The following NAALAD2 variants were observed in gnomAD, a reference collection of about 807,000 sequenced individuals.
NAALAD2 encodes the protein N-acetylated alpha-linked acidic dipeptidase 2.
In NAALAD2, 89 loss-of-function variants were observed where a neutral mutation model predicts 95.6. The observed-to-expected ratio is 0.93, with a 90% CI of 0.78 to 1.11. The LOEUF (loss-of-function observed/expected upper bound fraction) is 1.11. NAALAD2 is among the 50% of genes least tolerant of loss of function. The probability of loss-of-function intolerance (pLI) is 0.00; values close to 1 mark genes in which losing one functional copy is unlikely to be tolerated. For synonymous variants in NAALAD2, 264 were observed against 294.4 expected, an observed-to-expected ratio of 0.90 and a Z score of 1.06; for missense variants, 894 against 872.4, an observed-to-expected ratio of 1.02 and a Z score of -0.31.
Position 90,152,500 on chromosome 11 carries a change from A to G in NAALAD2, c.796+16A>G. The stretch of plus-strand genomic sequence containing the variant: ...CCAGCAAAAGGTAAGGGATGAGCCT[A>G]TCAGTCCACCAATTTTGCAAAAATA... On this transcript the variant is annotated intron_variant, in intron 6 of 18. Transcript: ENST00000534061. The G allele has an allele frequency of 6.3e-7, 1 of 1,578,288 alleles. No homozygotes were observed. Among genetic ancestry groups the G allele is most frequent in the Non-Finnish European group, 8.7e-7 (1 of 1,153,906 alleles).
intron 11 of NAALAD2, among the ~76,000 whole-genome samples, chr11:90,164,650 C>T (rs1402090620): frequency 6.6e-6 from 1 of 152,090 alleles, no homozygotes; most frequent in Non-Finnish European, 1.5e-5. Context: ...GTGATTTACC[C>T]ATTTTAACTC....
intron 15 of NAALAD2, 85 bp downstream of exon 15, chr11:90,176,147 C>A: frequency 1.0e-6 from 1 of 996,054 alleles, no homozygotes; most frequent in South Asian, 1.4e-5. Context: ...TGGCACCAGA[C>A]ACCTGGTGGA....
At chr11:90,166,835 C>CAA (rs1242969059) in intron 11 of NAALAD2, among the ~76,000 whole-genome samples, 50 of 64,706 alleles carry the variant, frequency 7.7e-4, no homozygotes, top group African/African-American at 2.7e-3. Context: ...ATTCTGTCTC[C>CAA]AAAAAAAAAA....
At chr11:90,190,532 A>G (rs1432646413) in intron 18 of NAALAD2, among the ~76,000 whole-genome samples, 9 of 152,152 alleles carry the variant, frequency 5.9e-5, no homozygotes, top group East Asian at 1.9e-4. Context: ...TTTTTTTGCT[A>G]TATTCTTCCT....
At chr11:90,182,645 G>A (rs547053398) in intron 17 of NAALAD2, among the ~76,000 whole-genome samples, 22 of 147,358 alleles carry the variant, frequency 1.5e-4, no homozygotes, top group African/African-American at 5.5e-4. Context: ...TAGAAGTATA[G>A]AATGTCTTTG....
intron 16 of NAALAD2, 54 bp from the exon 17 acceptor site, chr11:90,181,566 C>T (rs949656531): frequency 2.8e-5 from 36 of 1,276,950 alleles, no homozygotes; most frequent in East Asian, 4.6e-5. Flanking sequence ...GGTGGGAAAG[C>T]GAACCTCTGA....
chr11:90,144,920 T>G (rs180810225), intron 2 of NAALAD2, among the ~76,000 whole-genome samples: 120 of 152,060 alleles, frequency 7.9e-4, no homozygotes, highest in African/African-American at 2.7e-3. Context: ...TGGGAACAAT[T>G]GTATTTCTCC....
chr11:90,137,750 T>C (rs1174985602), intron 2 of NAALAD2, among the ~76,000 whole-genome samples: 4 of 152,096 alleles, frequency 2.6e-5, no homozygotes, highest in Non-Finnish European at 5.9e-5. Flanking sequence ...ACTACAGACA[T>C]GCATCACCAC....
chr11:90,182,878 C>A, intron 17 of NAALAD2, 38 bp from the exon 18 acceptor site: 1 of 1,288,532 alleles, frequency 7.8e-7, no homozygotes, highest in Non-Finnish European at 1.1e-6. Flanking sequence ...CATGATTCTG[C>A]GGTTTGCGTT....
At chr11:90,170,947 T>C (rs1249156882) in intron 13 of NAALAD2, among the ~76,000 whole-genome samples, 1 of 152,222 alleles carries the variant, frequency 6.6e-6, no homozygotes, top group Admixed American at 6.5e-5. Flanking sequence ...AAATCTGTTA[T>C]GGAGAAATCA....
At chr11:90,135,756 G>C in intron 2 of NAALAD2, 86 bp downstream of exon 2, 1 of 1,043,532 alleles carries the variant, frequency 9.6e-7, no homozygotes. Flanking sequence ...ATATGCATGA[G>C]GACAGTCTTC....
chr11:90,155,662 TTA>T (rs1952081218), intron 6 of NAALAD2, among the ~76,000 whole-genome samples: 1 of 38,208 alleles, frequency 2.6e-5, no homozygotes, highest in African/African-American at 1.9e-4. Flanking sequence ...TATGTATGTA[TTA>T]TTATTGTATG....
chr11:90,155,403 T>TA (rs1565522690), intron 6 of NAALAD2, among the ~76,000 whole-genome samples: 5 of 81,316 alleles, frequency 6.1e-5, no homozygotes, highest in African/African-American at 2.4e-4. Flanking sequence ...ATATAATATA[T>TA]ATAATGTAAT....
upstream of NAALAD2, chr11:90,131,711 G>A (rs1334008492): frequency 2.0e-5 from 3 of 152,120 alleles, no homozygotes; most frequent in Admixed American, 6.5e-5. Flanking sequence ...GCCATAACCT[G>A]TTTGAAGGAA....
In NAALAD2 at chr11:90,168,988, A is replaced by G; in HGVS notation, c.1338A>G (p.Ile446Met). 1 of 1,594,040 alleles carries G rather than the reference A, an allele frequency of 6.3e-7. No homozygotes were observed. Among genetic ancestry groups the G allele is most frequent in the Non-Finnish European group, 8.5e-7 (1 of 1,173,168 alleles). ...CTTATATCAACTCGGATTCATCTAT[A>G]GAAGGTAAATTTTATTTCAATTTGA... is the stretch of plus-strand genomic sequence containing the variant. Reference protein sequence around the residue: ...SIAYINSDSSIEGNYTLRVDC... With the variant: ...SIAYINSDSSMEGNYTLRVDC... Residue 446 changes from isoleucine to methionine, a missense_variant, in exon 12 of 19, where the codon ATA (isoleucine) becomes ATG (methionine). Coordinates refer to ENST00000534061, the MANE Select transcript of NAALAD2 (RefSeq NM_005467.4).
rs199601262 is a variant in NAALAD2, at chr11:90,152,250, C to G, written c.610-48C>G. On this transcript the variant is annotated intron_variant, in intron 5 of 18. Coordinates refer to ENST00000534061, the MANE Select transcript of NAALAD2 (RefSeq NM_005467.4). ...TTAATGTCTTTCTTATATGAATAAGCCAACCATTTGCCATATCTGCATTAT... is the reference window on the plus strand; with the variant it reads ...TTAATGTCTTTCTTATATGAATAAGGCAACCATTTGCCATATCTGCATTAT... 4 of 1,495,328 alleles carry G rather than the reference C, an allele frequency of 2.7e-6. No homozygotes were observed. The African/African-American group carries it at 4.1e-5, about 16-fold the overall frequency. The allele number at this position is 1,495,328 out of a possible 1,614,324, so 92.6% of individuals were successfully genotyped here.
intron 6 of NAALAD2, among the ~76,000 whole-genome samples, chr11:90,153,002 T>A (rs549958855): frequency 5.3e-5 from 8 of 152,312 alleles, no homozygotes; most frequent in Non-Finnish European, 1.2e-4. Context: ...CGTCTCTTTA[T>A]ATTCCCACCC....
At chr11:90,164,625 C>G (rs1952385307) in intron 11 of NAALAD2, among the ~76,000 whole-genome samples, 1 of 151,868 alleles carries the variant, frequency 6.6e-6, no homozygotes, top group African/African-American at 2.4e-5. Context: ...TTCTATTGAG[C>G]TTTACAGTAG....
At chr11:90,155,670 GTATGTATGTAATACATACATACA>G (rs1200710406) in intron 6 of NAALAD2, among the ~76,000 whole-genome samples, 33 of 42,148 alleles carry the variant, frequency 7.8e-4, no homozygotes, top group South Asian at 1.7e-3. Context: ...TATTATTATT[GTATGTATGTAATACATACATACA>G]TATGTATGTA....
Sources: gnomAD v4.1 joint callset for allele counts (sites outside exome capture counted in the v4.1 genomes callset) on GRCh38, gnomAD v4.1.1 for gene constraint, MANE v1.5 for transcripts, NCBI Gene and HGNC (gene_info 2026-07-23, HGNC 2026-07-21) for gene names.